The following RAVER1 variants were observed in gnomAD, a reference collection of about 807,000 sequenced individuals.
RAVER1 encodes ribonucleoprotein, PTB binding 1, also known as ribonucleoprotein PTB-binding 1.
Under a neutral mutation model 68.4 loss-of-function variants are expected in RAVER1, and 36 were observed. That is an observed-to-expected ratio of 0.53 (90% CI 0.40 to 0.70). RAVER1 has a LOEUF of 0.70. RAVER1 is among the 30% of genes least tolerant of loss of function. The pLI, the probability that RAVER1 is intolerant of heterozygous loss-of-function variation, is 0.00. For synonymous variants in RAVER1, 469 were observed against 472.7 expected (o/e 0.99, Z 0.10); for missense variants, 933 against 1,019.8 (o/e 0.91, Z 1.16).
intron 1 of RAVER1, among the ~76,000 whole-genome samples, chr19:10,332,533 G>A (rs913326833): frequency 2.0e-5 from 3 of 152,222 alleles, no homozygotes; most frequent in Admixed American, 6.5e-5. Flanking sequence ...CTGGTGGGCC[G>A]GAGAGCAGGG....
At position 10,328,775 on chromosome 19, in the gene RAVER1, G is replaced by A. The variant is rs764354352; in HGVS notation, c.623C>T (p.Thr208Met). ...LGPRTLYVHW[T>M]DAGQLTPALL... ...GGCAGGCGTCAGTTGCCCGGCATCC[G>A]TCCAGTGCACGTAGAGGGTGCGTGG... The change falls in exon 3 of 13, where the codon ACG becomes ATG. Residue 208 changes from threonine to methionine, a missense_variant. Transcript: ENST00000617231. This position sits in a 1 kb window ranked among gnomAD's most constrained non-coding sequence, Gnocchi z 4.4. 22 of 1,613,006 alleles carry A rather than the reference G, an allele frequency of 1.4e-5. No homozygotes were observed. The highest frequency in any genetic ancestry group is 1.6e-4 in the Middle Eastern group (1 of 6,084).
Position 10,320,760 on chromosome 19 carries a change from G to T in RAVER1, c.1665C>A (p.Ser555Arg). The change falls in exon 9 of 13, where the codon AGC (serine) becomes AGA (arginine). Residue 555 changes from serine (S) to arginine (R), a missense_variant. Around this residue, in one of 3 missense-constraint regions of RAVER1, gnomAD observed 699 missense variants for 731.1 expected, o/e 0.96. Coordinates refer to ENST00000617231, the MANE Select transcript of RAVER1 (RefSeq NM_133452.3). ...NPPAPGGGSSSSKAFQLKSRL... is the reference protein window; with the variant it reads ...NPPAPGGGSSRSKAFQLKSRL... ...GGGACTTGAGCTGGAAGGCTTTGCT[G>T]CTGCTGCTGCCACCTCCAGGGGCTG... 1.3e-6 allele frequency: 2 copies of T among 1,509,196 alleles called. No homozygotes were observed. Among genetic ancestry groups the T allele is most frequent in the Admixed American group, 2.6e-5 (1 of 38,910 alleles). The allele number at this position is 1,509,196 out of a possible 1,614,324, so 93.5% of individuals were successfully genotyped here.
intron 1 of RAVER1, among the ~76,000 whole-genome samples, chr19:10,332,442 G>A (rs768181174): frequency 4.6e-5 from 7 of 152,182 alleles, no homozygotes; most frequent in Non-Finnish European, 7.4e-5. Context: ...CATCCTTAAT[G>A]ATCCCTGTCC....
rs760859389 is a variant in RAVER1, at chr19:10,317,546, G to A, written c.2128C>T (p.Pro710Ser). 6.2e-7 allele frequency: 1 copy of A among 1,613,332 alleles called. No homozygotes were observed. The highest frequency in any genetic ancestry group is 1.1e-5 in the South Asian group (1 of 91,042). ...SFAHLLPSPE[P>S]SPEGSYVGQH... ...CCCACATAGCTGCCTTCTGGGCTGG[G>A]CTCGGGCGAGGGCAGCAGGTGGGCA... is the stretch of plus-strand genomic sequence containing the variant. The change falls in exon 13 of 13, where the codon CCC (proline) becomes TCC (serine). Residue 710 changes from proline (P) to serine (S), a missense_variant. Pro to Ser is a moderately conservative substitution (Grantham distance 74). Coordinates refer to ENST00000617231, the MANE Select transcript of RAVER1 (RefSeq NM_133452.3). The surrounding 1 kb of genome is among the most constrained non-coding windows in gnomAD (Gnocchi z 4.3).
rs2040488378 is a variant in RAVER1 at position 10,328,166 on chromosome 19, C to T, written c.756+476G>A. Among the ~76,000 whole-genome samples the T allele has an allele frequency of 1.3e-5, 2 of 152,180 alleles. No individual in the cohort carries two copies. The highest frequency in any genetic ancestry group is 3.4e-3 in the Middle Eastern group (1 of 294). ...ATGGGAGGTTTGACGAGGGTACCAG[C>T]GAATGAGGAGGTGAGTGGTGAGCAA... On this transcript the variant is annotated intron_variant, in intron 3 of 12. Coordinates refer to ENST00000617231, the MANE Select transcript of RAVER1 (RefSeq NM_133452.3). This position sits in a 1 kb window ranked among gnomAD's most constrained non-coding sequence, Gnocchi z 4.4.
In RAVER1 at chr19:10,323,389, C is replaced by G; in HGVS notation, c.934G>C (p.Ala312Pro). The change falls in exon 4 of 13, where the codon GCT becomes CCT. Residue 312 changes from alanine to proline, a missense_variant. Ala to Pro is a conservative substitution (Grantham distance 27). This residue lies in a region of RAVER1 where 699 missense variants were observed against 731.1 expected (regional missense o/e 0.96). Transcript: ENST00000617231. The surrounding 1 kb of genome is among the most constrained non-coding windows in gnomAD (Gnocchi z 6.2). ...PGRSMLAALIAAQATALNRGK... is the reference protein window; with the variant it reads ...PGRSMLAALIPAQATALNRGK... ...CACAGGCTCACCGTGGCCTGGGCAG[C>G]GATGAGAGCGGCCAGCATACTGCGG... 1 of 1,603,622 alleles carries G rather than the reference C, an allele frequency of 6.2e-7. No homozygotes were observed. The highest frequency in any genetic ancestry group is 8.5e-7 in the Non-Finnish European group (1 of 1,175,334).
rs1376804020 is a variant in RAVER1 at position 10,322,074 on chromosome 19, C to G, written c.1174-456G>C. ...TGTGTGTGTGCGTGTATATCTGTGT[C>G]TTTGTTTCTGTGTGCATGAGTCTGT... On this transcript the variant is annotated intron_variant, in intron 6 of 12. Transcript: ENST00000617231. The surrounding 1 kb of genome is among the most constrained non-coding windows in gnomAD (Gnocchi z 4.3). The G allele has an allele frequency of 6.2e-6, 1 of 160,038 alleles. No individual in the cohort carries two copies. Among genetic ancestry groups the G allele is most frequent in the Non-Finnish European group, 1.4e-5 (1 of 73,890 alleles). The allele number at this position is 160,038 out of a possible 1,614,324, so 9.9% of individuals were successfully genotyped here. A position where few individuals can be genotyped will look rare whatever the true frequency, so the allele number is the denominator to read the frequency against.
chr19:10,331,222 C>A (rs1392135188), intron 1 of RAVER1, among the ~76,000 whole-genome samples: 1 of 151,412 alleles, frequency 6.6e-6, no homozygotes, highest in Non-Finnish European at 1.5e-5. Context: ...CGGTGGCAGG[C>A]GCCTGTATTC....
At chr19:10,318,106 G>T in intron 11 of RAVER1, 123 bp downstream of exon 11, 1 of 829,298 alleles carries the variant, frequency 1.2e-6, no homozygotes, top group Non-Finnish European at 1.9e-6. Flanking sequence ...CCCTGAGCAA[G>T]ACCAACCCCT....
At chr19:10,319,448 A>G (rs1215431008) in intron 9 of RAVER1, among the ~76,000 whole-genome samples, 1 of 152,270 alleles carries the variant, frequency 6.6e-6, no homozygotes, top group Non-Finnish European at 1.5e-5. Flanking sequence ...GGAGTTTCCC[A>G]GGCAAGCTGG....
chr19:10,331,335 C>T (rs566217435), intron 1 of RAVER1, among the ~76,000 whole-genome samples: 24 of 109,696 alleles, frequency 2.2e-4, no homozygotes, highest in Admixed American at 4.3e-4. Flanking sequence ...CCAGCCTGGG[C>T]GACAGAGCGA....
At position 10,317,264 on chromosome 19, in the gene RAVER1, T is replaced by C; in HGVS notation, c.*190A>G. 3.0e-6 allele frequency: 2 copies of C among 656,076 alleles called. No individual in the cohort carries two copies. The highest frequency in any genetic ancestry group is 5.3e-6 in the Non-Finnish European group (2 of 378,946). The allele number at this position is 656,076 out of a possible 1,614,324, so 40.6% of individuals were successfully genotyped here. A position where few individuals can be genotyped will look rare whatever the true frequency, so the allele number is the denominator to read the frequency against. On this transcript the variant is annotated 3_prime_UTR_variant, in exon 13 of 13. Coordinates refer to ENST00000617231, the MANE Select transcript of RAVER1 (RefSeq NM_133452.3). The surrounding 1 kb of genome is among the most constrained non-coding windows in gnomAD (Gnocchi z 4.3). ...CAGCGTGGGGAGCAAGCCAGAGACA[T>C]AATGAGGCCTCCAGACTCCCCCACA... is the stretch of plus-strand genomic sequence containing the variant.
rs563958756 is a variant in RAVER1 at position 10,320,986 on chromosome 19, G to T, written c.1474-35C>A. On this transcript the variant is annotated intron_variant, in intron 8 of 12. Transcript: ENST00000617231. The stretch of plus-strand genomic sequence containing the variant: ...GAAGGCAGGATTCGAGAGGGCCCCC[G>T]GGAGAGGGAACCCTGCGGAACAGGA... 11 of 1,486,856 alleles carry T rather than the reference G, an allele frequency of 7.4e-6. No individual in the cohort carries two copies. In the Admixed American group the frequency reaches 1.0e-4, roughly 14 times the overall value. 92.1% of individuals were successfully genotyped at this position (1,486,856 alleles called of 1,614,324 possible).
intron 1 of RAVER1, 50 bp from the exon 2 acceptor site, chr19:10,330,576 G>A: frequency 1.2e-6 from 1 of 842,214 alleles, no homozygotes; most frequent in South Asian, 1.4e-5. Flanking sequence ...ATGGAAGGGG[G>A]CAACCCAGTG....
At chr19:10,332,684 T>A (rs2040530973) in intron 1 of RAVER1, among the ~76,000 whole-genome samples, 1 of 152,172 alleles carries the variant, frequency 6.6e-6, no homozygotes, top group African/African-American at 2.4e-5. Flanking sequence ...GCAGGAAGAT[T>A]AGCCACGAGG....
chr19:10,332,418 G>A (rs1363423974), intron 1 of RAVER1, among the ~76,000 whole-genome samples: 1 of 152,196 alleles, frequency 6.6e-6, no homozygotes, highest in Non-Finnish European at 1.5e-5. Context: ...GGAAGACCCA[G>A]AAAGAAACCT....
Position 10,328,953 on chromosome 19 carries a change from C to T in RAVER1, c.445G>A (p.Glu149Lys), listed in dbSNP as rs376930823. The change falls in exon 3 of 13, where the codon GAG (glutamate) becomes AAG (lysine). Residue 149 changes from glutamate to lysine, a missense_variant. Glu to Lys is a moderately conservative substitution (Grantham distance 56, BLOSUM62 1). Around this residue, in one of 3 missense-constraint regions of RAVER1, gnomAD observed 211 missense variants for 230.0 expected, o/e 0.92. Coordinates refer to ENST00000617231, the MANE Select transcript of RAVER1 (RefSeq NM_133452.3). This position sits in a 1 kb window ranked among gnomAD's most constrained non-coding sequence, Gnocchi z 4.4. The part of the protein sequence containing the change: ...LPPSLTQQQF[E>K]ELVRPFGSLE... ...CTGCCGAAGGGCCGCACCAGCTCCT[C>T]GAACTGCTGCTGTGTGAGGCTGGGG... The T allele has an allele frequency of 3.1e-5, 49 of 1,605,968 alleles. No individual in the cohort carries two copies. The highest frequency in any genetic ancestry group is 1.7e-4 in the Middle Eastern group (1 of 6,046).
intron 1 of RAVER1, among the ~76,000 whole-genome samples, chr19:10,331,578 C>T (rs968746769): frequency 4.2e-5 from 6 of 143,256 alleles, no homozygotes; most frequent in South Asian, 2.3e-4. Context: ...CCTAGCTACT[C>T]GGGAGACTGA....
At position 10,319,393 on chromosome 19, in the gene RAVER1, G is replaced by C. The variant is rs1370559775; in HGVS notation, c.1771-153C>G. Among the ~76,000 whole-genome samples the C allele has an allele frequency of 3.9e-5, 6 of 152,266 alleles. No individual in the cohort carries two copies. In the East Asian group the frequency reaches 1.2e-3, roughly 29 times the overall value. On this transcript the variant is annotated intron_variant, in intron 9 of 12. Coordinates refer to ENST00000617231, the MANE Select transcript of RAVER1 (RefSeq NM_133452.3). The stretch of plus-strand genomic sequence containing the variant: ...TTGGGGCTGGATGCAGCTTGGCAGG[G>C]ATGGCTGCTGTGAAGGGGGGTGCCC...
Sources: gnomAD v4.1 joint callset for allele counts (sites outside exome capture counted in the v4.1 genomes callset) on GRCh38, gnomAD v4.1.1 for gene constraint, gnomAD v4.1.1 regional missense constraint, Gnocchi (gnomAD v3.1) non-coding constraint, MANE v1.5 for transcripts, NCBI Gene and HGNC (gene_info 2026-07-23, HGNC 2026-07-21) for gene names.